PCDHA5: variants seen among roughly 807,000 people sequenced by gnomAD.
PCDHA5 encodes protocadherin alpha 5, also known as protocadherin alpha-5.
Under a neutral mutation model 61.6 loss-of-function variants are expected in PCDHA5, and 43 were observed. That is an observed-to-expected ratio of 0.70 (90% CI 0.55 to 0.90). PCDHA5 has a LOEUF of 0.90. PCDHA5 is among the 40% of genes least tolerant of loss of function. PCDHA5 has a pLI of 0.00. For synonymous variants in PCDHA5, 627 were observed against 543.9 expected, an observed-to-expected ratio of 1.15 and a Z score of -2.13; for missense variants, 1,298 against 1,222.7, an observed-to-expected ratio of 1.06 and a Z score of -0.92.
At chr5:140,847,063 C>T (rs1366357065) in intron 1 of PCDHA5, among the ~76,000 whole-genome samples, 2 of 149,510 alleles carry the variant, frequency 1.3e-5, no homozygotes, top group Non-Finnish European at 3.0e-5. Flanking sequence ...CAGAAAGCAT[C>T]AATATGACAA....
intron 1 of PCDHA5, chr5:140,927,814 G>T: frequency 6.2e-7 from 1 of 1,614,172 alleles, no homozygotes; most frequent in Non-Finnish European, 8.5e-7. Flanking sequence ...GCTCTTGGAG[G>T]CATACATTGA....
intron 1 of PCDHA5, among the ~76,000 whole-genome samples, chr5:140,905,582 A>C (rs1281901890): frequency 1.3e-5 from 2 of 152,068 alleles, no homozygotes; most frequent in South Asian, 2.1e-4. Flanking sequence ...AATGATAATG[A>C]TATTTTGCTG....
rs2150114654 is a variant in PCDHA5 at position 140,822,222 on chromosome 5, G to A, written c.447G>A (p.Ser149=). 1 of 1,614,212 alleles carries A rather than the reference G, an allele frequency of 6.2e-7. No homozygotes were observed. Among genetic ancestry groups the A allele is most frequent in the Non-Finnish European group, 8.5e-7 (1 of 1,180,038 alleles). ...TTTTAGAGTCAAGAATGCCAGATTCGCGGTTTCCGCTAGAGGGCGCGTCGG... is the reference window on the plus strand; with the variant it reads ...TTTTAGAGTCAAGAATGCCAGATTCACGGTTTCCGCTAGAGGGCGCGTCGG... ...LFILESRMPD[S]RFPLEGASDL... is the part of the protein sequence containing the mutation. The change falls in exon 1 of 4, where the codon TCG becomes TCA. Residue 149 remains serine (S), a synonymous_variant. Transcript: ENST00000529859.
intron 3 of PCDHA5, among the ~76,000 whole-genome samples, chr5:141,006,862 A>G (rs1188678069): frequency 4.6e-5 from 7 of 152,244 alleles, no homozygotes; most frequent in Non-Finnish European, 1.0e-4. Flanking sequence ...TTAGAAAGGA[A>G]TAGATTCGAG....
intron 1 of PCDHA5, chr5:140,969,505 A>G (rs973647679): frequency 1.4e-6 from 2 of 1,428,552 alleles, no homozygotes; most frequent in South Asian, 3.0e-5. Context: ...CTAGAAAAAT[A>G]GCACTAAAGA....
At position 140,856,108 on chromosome 5, in the gene PCDHA5, C is replaced by T. The variant is rs782347472; in HGVS notation, c.2352+31981C>T. 109 of 1,597,910 alleles carry T rather than the reference C, an allele frequency of 6.8e-5. 10 individuals are homozygous for T. The highest frequency in any genetic ancestry group is 9.3e-5 in the Non-Finnish European group (109 of 1,167,634). ...GTCTGCTGCTCTCGCTTCTTCTCCT[C>T]GCAGCCTGGGAGGTGGGGAGCGGCC... On this transcript the variant is annotated intron_variant, in intron 1 of 3. Transcript: ENST00000529859.
chr5:140,854,721 T>C (rs941408696), intron 1 of PCDHA5: 9 of 149,956 alleles, frequency 6.0e-5, no homozygotes, highest in Non-Finnish European at 1.2e-4. Flanking sequence ...GACAGAAAAC[T>C]CAAGTTTTTT....
rs1364522984 is a variant in PCDHA5 at position 140,856,543 on chromosome 5, A to G, written c.2352+32416A>G. 5.0e-6 allele frequency: 8 copies of G among 1,598,190 alleles called. No homozygotes were observed. In the African/African-American group the frequency reaches 6.7e-5, roughly 13 times the overall value. The stretch of plus-strand genomic sequence containing the variant: ...CTGATGCGGATGTTGGAGAGAACGC[A>G]TTGCTTACTTACAAACTCAGTCCAA... On this transcript the variant is annotated intron_variant, in intron 1 of 3. Transcript: ENST00000529859.
intron 1 of PCDHA5, chr5:140,927,266 C>T (rs1554204259): frequency 6.2e-7 from 1 of 1,614,146 alleles, no homozygotes. Flanking sequence ...CCTCTCTTTC[C>T]TGCCGGCGAC....
chr5:140,875,040 T>G (rs1369679625), intron 1 of PCDHA5, among the ~76,000 whole-genome samples: 1 of 152,234 alleles, frequency 6.6e-6, no homozygotes, highest in East Asian at 1.9e-4. Context: ...ATTTGAAAGA[T>G]TTCTACTTTG....
In PCDHA5 at chr5:140,863,325, AGT is replaced by A. The variant is rs1554158100; in HGVS notation, c.2352+39200_2352+39201del. 4 of 1,432,658 alleles carry A rather than the reference AGT, an allele frequency of 2.8e-6. No individual in the cohort carries two copies. In the African/African-American group the frequency reaches 5.7e-5, roughly 21 times the overall value. The allele number at this position is 1,432,658 out of a possible 1,614,324, so 88.7% of individuals were successfully genotyped here. On this transcript the variant is annotated intron_variant, in intron 1 of 3. Transcript: ENST00000529859. ...CCATCTGCGTGGTGTCCAGCCTGTT[AGT>A]GCTCACGTTGCTGCTGTACACGACG...
At chr5:140,967,548 C>T (rs782750678) in intron 1 of PCDHA5, 15 of 1,613,922 alleles carry the variant, frequency 9.3e-6, no homozygotes, top group Non-Finnish European at 1.3e-5. Context: ...GACCAGTCCA[C>T]TTATCGCGTC....
At chr5:140,847,774 C>T (rs1554141905) in intron 1 of PCDHA5, 2 of 149,772 alleles carry the variant, frequency 1.3e-5, no homozygotes, top group East Asian at 3.9e-4. Context: ...AGTCAATTCT[C>T]GCTTTTCTTG....
intron 1 of PCDHA5, chr5:140,876,681 T>C: frequency 2.5e-6 from 4 of 1,614,180 alleles, no homozygotes; most frequent in South Asian, 1.1e-5. Flanking sequence ...CCTACAAGAA[T>C]TACTACTCGT....
intron 1 of PCDHA5, chr5:140,868,773 G>A (rs1343929561): frequency 7.6e-6 from 2 of 262,984 alleles, no homozygotes; most frequent in African/African-American, 4.4e-5. Flanking sequence ...GTTTCAATAT[G>A]ACTTATAATC....
intron 1 of PCDHA5, chr5:140,969,293 C>T: frequency 6.2e-7 from 1 of 1,614,188 alleles, no homozygotes; most frequent in Admixed American, 1.7e-5. Flanking sequence ...TGCTGGGAAC[C>T]TGATTATTCT....
At chr5:140,857,723 G>C (rs782731784) in intron 1 of PCDHA5, 1 of 1,597,514 alleles carries the variant, frequency 6.3e-7, no homozygotes, top group Non-Finnish European at 8.6e-7. Flanking sequence ...GGACGAGAAC[G>C]ACAACGCTCC....
chr5:140,837,063 T>G, intron 1 of PCDHA5: 1 of 187,816 alleles, frequency 5.3e-6, no homozygotes, highest in South Asian at 1.4e-4. Flanking sequence ...TTCCATATTT[T>G]GATAATCAAT....
intron 1 of PCDHA5, chr5:140,862,842 G>C: frequency 1.7e-6 from 1 of 572,982 alleles, no homozygotes; most frequent in Non-Finnish European, 3.3e-6. Flanking sequence ...CGGGCATGCC[G>C]CCTCTGAGCA....
Sources: allele counts gnomAD v4.1 joint callset (sites outside exome capture counted in the v4.1 genomes callset), GRCh38; gene constraint gnomAD v4.1.1; transcripts MANE v1.5; gene names NCBI Gene and HGNC (gene_info 2026-07-23, HGNC 2026-07-21).